Variants in CHD9 observed in about 807,000 individuals in gnomAD.
CHD9 encodes chromodomain helicase DNA binding protein 9.
In CHD9, 77 loss-of-function variants were observed where a neutral mutation model predicts 316.1. The observed-to-expected ratio is 0.24, with a 90% CI of 0.20 to 0.29. CHD9 has a LOEUF of 0.29. CHD9 is among the 10% of genes least tolerant of loss of function. The probability of loss-of-function intolerance (pLI) is 1.00; values close to 1 mark genes in which losing one functional copy is unlikely to be tolerated. For synonymous variants in CHD9, 1,129 were observed against 1,158.3 expected (o/e 0.97, Z 0.51); for missense variants, 2,763 against 3,438.1 (o/e 0.80, Z 4.91).
intron 1 of CHD9, among the ~76,000 whole-genome samples, chr16:53,065,463 A>T (rs533560848): frequency 5.1e-4 from 77 of 151,916 alleles, no homozygotes; most frequent in Middle Eastern, 3.4e-3. Context: ...GTGACACCCC[A>T]TCTCTACAAA....
rs768066118 is a variant in CHD9 at position 53,303,812 on chromosome 16, G to C, written c.5806G>C (p.Glu1936Gln). Residue 1936 changes from glutamate (E) to glutamine (Q), a missense_variant, in exon 31 of 39, where the codon GAA (glutamate) becomes CAA (glutamine). By Grantham distance (29) the Glu-to-Gln change is conservative (BLOSUM62 2). Around this residue, in one of 15 missense-constraint regions of CHD9, gnomAD observed 663 missense variants for 751.2 expected, o/e 0.88. Coordinates refer to ENST00000447540, the MANE Select transcript of CHD9 (RefSeq NM_001308319.2). ...YRIELLRKVR[E>Q]QALRHPQLFE... ...CATTGAACTTCTAAGGAAAGTACGG[G>C]AACAGGCCCTTCGACATCCACAGTT... 6 of 1,613,998 alleles carry C rather than the reference G, an allele frequency of 3.7e-6. No individual in the cohort carries two copies. The highest frequency in any genetic ancestry group is 5.1e-6 in the Non-Finnish European group (6 of 1,179,886).
Position 53,157,322 on chromosome 16 carries a change from G to A in CHD9, c.1233G>A (p.Gln411=). The A allele has an allele frequency of 1.2e-6, 2 of 1,613,594 alleles. No homozygotes were observed. The highest frequency in any genetic ancestry group is 1.7e-6 in the Non-Finnish European group (2 of 1,179,710). The change falls in exon 2 of 39, where the codon CAG becomes CAA. Residue 411 remains glutamine, a synonymous_variant. Transcript: ENST00000447540. ...GACTTGACCCCGAGGACCTCCTTCA[G>A]GAGGGTCTTCTTCCTCACTTTGATG... ...FTGLDPEDLL[Q]EGLLPHFDES... is the part of the protein sequence containing the mutation.
At chr16:53,134,367 T>C (rs974313259) in intron 1 of CHD9, among the ~76,000 whole-genome samples, 1 of 152,236 alleles carries the variant, frequency 6.6e-6, no homozygotes, top group Non-Finnish European at 1.5e-5. Context: ...TTTAGCTTTT[T>C]TACACTTATT....
chr16:53,099,855 G>A (rs1035453642), intron 1 of CHD9, among the ~76,000 whole-genome samples: 2 of 152,264 alleles, frequency 1.3e-5, no homozygotes, highest in African/African-American at 4.8e-5. Context: ...TGCAGACCAG[G>A]CGCCCCGGGC....
At chr16:53,272,656 A>G (rs2052385595) in intron 22 of CHD9, among the ~76,000 whole-genome samples, 1 of 152,206 alleles carries the variant, frequency 6.6e-6, no homozygotes, top group Non-Finnish European at 1.5e-5. Flanking sequence ...AATTTTTTAA[A>G]AGTTCAGAGT....
chr16:53,087,601 G>A lies in CHD9; in HGVS notation c.-165+32524G>A, dbSNP rs573967233. Among the ~76,000 whole-genome samples, 99 of 152,234 alleles carry A rather than the reference G, an allele frequency of 6.5e-4. 1 individual carries two copies. The highest frequency in any genetic ancestry group is 2.2e-3 in the African/African-American group (90 of 41,552). ...TTACTTCACAGTTGTTGAAAGGATC[G>A]TTATGAGATAATGTCATATTCCTTA... On this transcript the variant is annotated intron_variant, in intron 1 of 38. Coordinates refer to ENST00000447540, the MANE Select transcript of CHD9 (RefSeq NM_001308319.2).
At chr16:53,302,749 A>G (rs2055563024) in intron 30 of CHD9, among the ~76,000 whole-genome samples, 2 of 152,282 alleles carry the variant, frequency 1.3e-5, no homozygotes, top group Admixed American at 6.5e-5. Context: ...ATAGGTTACA[A>G]TCCAATATTG....
intron 1 of CHD9, among the ~76,000 whole-genome samples, chr16:53,091,006 C>CCG (rs1555481471): frequency 1.3e-5 from 2 of 151,760 alleles, no homozygotes; most frequent in Non-Finnish European, 2.9e-5. Context: ...AGCTCACCCC[C>CCG]CCCCGACTGA....
At chr16:53,089,915 C>T (rs997573109) in intron 1 of CHD9, among the ~76,000 whole-genome samples, 4 of 152,112 alleles carry the variant, frequency 2.6e-5, no homozygotes, top group Middle Eastern at 3.2e-3. Flanking sequence ...TGGTCTTCCT[C>T]GTCCCAGAAA....
chr16:53,286,620 A>G (rs1469924129), intron 26 of CHD9, among the ~76,000 whole-genome samples: 1 of 152,174 alleles, frequency 6.6e-6, no homozygotes, highest in Non-Finnish European at 1.5e-5. Context: ...ATAAACTTCT[A>G]GGGGCATAGG....
intron 1 of CHD9, among the ~76,000 whole-genome samples, chr16:53,114,502 C>A (rs2038120127): frequency 6.6e-6 from 1 of 152,222 alleles, no homozygotes; most frequent in South Asian, 2.1e-4. Context: ...AAGTGATCCA[C>A]CTGCCTTGGC....
At chr16:53,080,038 A>C (rs1490150813) in intron 1 of CHD9, among the ~76,000 whole-genome samples, 1 of 152,214 alleles carries the variant, frequency 6.6e-6, no homozygotes, top group Non-Finnish European at 1.5e-5. Flanking sequence ...CGGGACCTTC[A>C]ACTGGCATCT....
intron 17 of CHD9, among the ~76,000 whole-genome samples, chr16:53,253,315 C>T (rs2050286573): frequency 6.6e-6 from 1 of 151,916 alleles, no homozygotes; most frequent in Non-Finnish European, 1.5e-5. Flanking sequence ...ATATTGGAGA[C>T]TATTATTATA....
chr16:53,255,738 A>G lies in CHD9; in HGVS notation c.4168A>G (p.Ile1390Val). The G allele has an allele frequency of 6.2e-7, 1 of 1,613,896 alleles. No individual in the cohort carries two copies. Among genetic ancestry groups the G allele is most frequent in the Non-Finnish European group, 8.5e-7 (1 of 1,179,826 alleles). The change falls in exon 19 of 39, where the codon ATT (isoleucine) becomes GTT (valine). Residue 1390 changes from isoleucine to valine, a missense_variant. Physicochemically the swap from Ile to Val is conservative, Grantham distance 29. Around this residue, in one of 15 missense-constraint regions of CHD9, gnomAD observed 199 missense variants for 251.7 expected, o/e 0.79. Transcript: ENST00000447540. ...DQILLRRTKTITIESEGRGST... is the reference protein window; with the variant it reads ...DQILLRRTKTVTIESEGRGST... ...GATTTTACTACGTCGTACAAAAACT[A>G]TTACAATTGAATCAGAAGGACGTGG... is the stretch of plus-strand genomic sequence containing the variant.
Position 53,153,496 on chromosome 16 carries a change from G to A in CHD9, c.-164-2430G>A, listed in dbSNP as rs537451348. On this transcript the variant is annotated intron_variant, in intron 1 of 38. Transcript: ENST00000447540. ...TTTTCCAACTTAAATGTAAAACAGTGGAGGAAACTTTTTAAAAGTAATTTC... is the reference window on the plus strand; with the variant it reads ...TTTTCCAACTTAAATGTAAAACAGTAGAGGAAACTTTTTAAAAGTAATTTC... Among the ~76,000 whole-genome samples, 15 of 152,184 alleles carry A rather than the reference G, an allele frequency of 9.9e-5. No individual in the cohort carries two copies. In the South Asian group the frequency reaches 2.9e-3, roughly 29 times the overall value.
At position 53,238,531 on chromosome 16, in the gene CHD9, G is replaced by C; in HGVS notation, c.2822G>C (p.Ser941Thr). 6.2e-7 allele frequency: 1 copy of C among 1,612,806 alleles called. No individual in the cohort carries two copies. The highest frequency in any genetic ancestry group is 8.5e-7 in the Non-Finnish European group (1 of 1,179,042). ...TDINVVVYHG[S>T]LISRQMIQQY... Reference sequence around the variant, plus strand: ...ATTAACGTTGTGGTTTATCATGGGAGCCTGATTAGCAGACAAATGATACAG... The same window carrying C: ...ATTAACGTTGTGGTTTATCATGGGACCCTGATTAGCAGACAAATGATACAG... Residue 941 changes from serine to threonine, a missense_variant, in exon 12 of 39, where the codon AGC (serine) becomes ACC (threonine). Coordinates refer to ENST00000447540, the MANE Select transcript of CHD9 (RefSeq NM_001308319.2).
chr16:53,190,040 C>T (rs961643139), intron 2 of CHD9, among the ~76,000 whole-genome samples: 6 of 151,958 alleles, frequency 3.9e-5, no homozygotes, highest in Admixed American at 1.3e-4. Flanking sequence ...ATGATTTTCC[C>T]CCAACCCTAC....
intron 2 of CHD9, among the ~76,000 whole-genome samples, chr16:53,167,788 A>G (rs2042373687): frequency 6.6e-6 from 1 of 151,322 alleles, no homozygotes; most frequent in Non-Finnish European, 1.5e-5. Flanking sequence ...TTTAGTTTCT[A>G]TTCTACCTAT....
At chr16:53,260,141 G>A (rs2050958369) in intron 19 of CHD9, among the ~76,000 whole-genome samples, 1 of 152,184 alleles carries the variant, frequency 6.6e-6, no homozygotes, top group African/African-American at 2.4e-5. Flanking sequence ...AATGATAGCT[G>A]TGTTGTTTTG....
Sources: gnomAD v4.1 joint callset for allele counts (sites outside exome capture counted in the v4.1 genomes callset) on GRCh38, gnomAD v4.1.1 for gene constraint, gnomAD v4.1.1 regional missense constraint, MANE v1.5 for transcripts, NCBI Gene and HGNC (gene_info 2026-07-23, HGNC 2026-07-21) for gene names.